The following LYST variants were observed in gnomAD, a reference collection of about 807,000 sequenced individuals.
The protein encoded by LYST is lysosomal-trafficking regulator.
A neutral mutation model predicts 413.6 loss-of-function variants in LYST; 192 were observed. The observed-to-expected ratio is 0.46, with a 90% CI of 0.41 to 0.52. The LOEUF is 0.52. Among genes scored for constraint, LYST ranks in the 20% least tolerant of loss-of-function variants. LYST has a pLI of 0.00. For synonymous variants in LYST, 1,525 were observed against 1,567.3 expected (o/e 0.97, Z 0.64); for missense variants, 3,815 against 4,499.9 (o/e 0.85, Z 4.35).
chr1:235,722,081 T>C (rs1422261589), intron 39 of LYST, among the ~76,000 whole-genome samples: 8 of 152,122 alleles, frequency 5.3e-5, no homozygotes, highest in Non-Finnish European at 1.0e-4. Flanking sequence ...ATCATTAGGA[T>C]TTCTAAGGAG....
intron 4 of LYST, among the ~76,000 whole-genome samples, chr1:235,811,543 G>A (rs28438459): frequency 0.035 from 5,320 of 152,124 alleles, 312 homozygotes; most frequent in African/African-American, 0.12. Context: ...AGGGCCTGGC[G>A]TATGGTCAAC....
At position 235,792,060 on chromosome 1, in the gene LYST, A is replaced by G; in HGVS notation, c.4182T>C (p.Tyr1394=). The change falls in exon 12 of 53, where the codon TAT becomes TAC. Residue 1394 remains tyrosine (Y), a synonymous_variant. Coordinates refer to ENST00000389793, the MANE Select transcript of LYST (RefSeq NM_000081.4). ...GAGCGTGCAGTAAAGGGAAGGTTAG[A>G]TACTGTGAAGGGCTCATAGTAGTAT... The part of the protein sequence containing the change: ...ESDTTMSPSQ[Y]LTFPLLHAPN... 1 of 1,613,820 alleles carries G rather than the reference A, an allele frequency of 6.2e-7. No homozygotes were observed. The highest frequency in any genetic ancestry group is 8.5e-7 in the Non-Finnish European group (1 of 1,179,688).
intron 50 of LYST, among the ~76,000 whole-genome samples, chr1:235,676,630 T>C (rs1435191597): frequency 6.6e-6 from 1 of 152,216 alleles, no homozygotes; most frequent in Admixed American, 6.5e-5. Context: ...TGGGGTACCT[T>C]TCTGTTTCAT....
chr1:235,715,879 AAG>A (rs1553271466), intron 41 of LYST, among the ~76,000 whole-genome samples: 1,537 of 144,220 alleles, frequency 0.011, 23 homozygotes, highest in African/African-American at 0.043. Flanking sequence ...AAAAAAAAAA[AAG>A]AATATGGTGA....
chr1:235,857,222 C>T (rs1175652314), intron 1 of LYST, among the ~76,000 whole-genome samples: 2 of 151,966 alleles, frequency 1.3e-5, no homozygotes, highest in Non-Finnish European at 2.9e-5. Context: ...TTGGTCATAC[C>T]AGTGATAAGT....
intron 10 of LYST, among the ~76,000 whole-genome samples, chr1:235,799,926 G>T: frequency 9.8e-6 from 1 of 102,062 alleles, no homozygotes. Flanking sequence ...GCCAATGGAA[G>T]CCTTTTTTTT....
chr1:235,807,069 T>C (rs962404421), intron 5 of LYST, among the ~76,000 whole-genome samples: 11 of 152,210 alleles, frequency 7.2e-5, no homozygotes, highest in Admixed American at 3.3e-4. Flanking sequence ...AATATTTTTC[T>C]CCAAATGGCA....
chr1:235,685,869 C>G (rs867378354), intron 48 of LYST, among the ~76,000 whole-genome samples: 1 of 144,600 alleles, frequency 6.9e-6, no homozygotes, highest in Non-Finnish European at 1.5e-5. Context: ...AAAAAAAAAA[C>G]AAACAAAAAA....
chr1:235,666,003 T>C (rs1658421327), intron 50 of LYST, among the ~76,000 whole-genome samples: 1 of 151,866 alleles, frequency 6.6e-6, no homozygotes, highest in Admixed American at 6.6e-5. Flanking sequence ...TACATATAAG[T>C]AGAGGCTTTG....
At chr1:235,692,612 G>A (rs1162091479) in intron 47 of LYST, among the ~76,000 whole-genome samples, 1 of 151,846 alleles carries the variant, frequency 6.6e-6, no homozygotes, top group East Asian at 2.0e-4. Flanking sequence ...TTGAACTCCT[G>A]ACCTCAGGCG....
intron 47 of LYST, among the ~76,000 whole-genome samples, chr1:235,691,614 T>C (rs1326133365): frequency 6.6e-6 from 1 of 151,720 alleles, no homozygotes; most frequent in African/African-American, 2.4e-5. Context: ...ATTCTCTCAA[T>C]GAGAAAATGG....
chr1:235,831,285 T>A (rs956226688), intron 2 of LYST, among the ~76,000 whole-genome samples: 1 of 152,204 alleles, frequency 6.6e-6, no homozygotes, highest in Non-Finnish European at 1.5e-5. Context: ...ACTATGCCTC[T>A]TGCCAAGAGG....
At chr1:235,675,546 C>T (rs557081321) in intron 50 of LYST, among the ~76,000 whole-genome samples, 32 of 152,262 alleles carry the variant, frequency 2.1e-4, no homozygotes, top group South Asian at 2.1e-4. Context: ...TTTTTCTTTA[C>T]GGCACCAAGC....
At chr1:235,724,231 ATTACT>A (rs777404357) in intron 38 of LYST, 51 bp from the exon 39 acceptor site, 99 of 1,443,714 alleles carry the variant, frequency 6.9e-5, no homozygotes, top group East Asian at 7.0e-5. Flanking sequence ...AATATAAATA[ATTACT>A]TTAATTTTAG....
At chr1:235,770,134 C>A (rs541497933) in intron 20 of LYST, 26 bp downstream of exon 20, 42 of 1,610,760 alleles carry the variant, frequency 2.6e-5, no homozygotes, top group Middle Eastern at 4.0e-4. Context: ...AATATATTTC[C>A]AAAAGTAAAG....
intron 38 of LYST, among the ~76,000 whole-genome samples, chr1:235,726,272 G>T (rs1436519826): frequency 6.6e-6 from 1 of 151,486 alleles, no homozygotes; most frequent in Non-Finnish European, 1.5e-5. Context: ...TTTAGATTCA[G>T]ATTATCCTAC....
At chr1:235,702,213 T>G (rs1661606025) in intron 45 of LYST, among the ~76,000 whole-genome samples, 2 of 152,232 alleles carry the variant, frequency 1.3e-5, no homozygotes, top group Non-Finnish European at 2.9e-5. Context: ...TTTTTCTATT[T>G]TGAAGTAAAA....
intron 3 of LYST, chr1:235,827,332 G>T (rs1675441474): frequency 1.7e-6 from 1 of 588,828 alleles, no homozygotes; most frequent in Non-Finnish European, 2.1e-6. Context: ...TTGTGCCGCT[G>T]CAGTCCAGCC....
At chr1:235,859,290 T>C (rs1212582708) in intron 1 of LYST, among the ~76,000 whole-genome samples, 2 of 152,162 alleles carry the variant, frequency 1.3e-5, no homozygotes, top group Non-Finnish European at 2.9e-5. Flanking sequence ...TTCAATTTTC[T>C]TCCTCTTCAA....
Sources: allele counts gnomAD v4.1 joint callset (sites outside exome capture counted in the v4.1 genomes callset), GRCh38; gene constraint gnomAD v4.1.1; transcripts MANE v1.5; gene names NCBI Gene and HGNC (gene_info 2026-07-23, HGNC 2026-07-21).